PLCB4: variants seen among roughly 807,000 people sequenced by gnomAD.
PLCB4 encodes 1-phosphatidylinositol 4,5-bisphosphate phosphodiesterase beta-4.
PLCB4 carries 77 observed loss-of-function variants against 178.8 expected under a neutral mutation model. The observed-to-expected ratio is 0.43, with a 90% CI of 0.36 to 0.52. The LOEUF (loss-of-function observed/expected upper bound fraction) is 0.52, where lower values mean the gene tolerates loss of function less well. Among genes scored for constraint, PLCB4 ranks in the 20% least tolerant of loss-of-function variants. The pLI is 0.00. For missense variants in PLCB4, 1,024 were observed against 1,453.4 expected (o/e 0.70, Z 4.80); for synonymous variants, 496 against 490.8 (o/e 1.01, Z -0.14).
intron 4 of PLCB4, among the ~76,000 whole-genome samples, chr20:9,310,560 A>AAAAATAGCC (rs1292819763): frequency 1.3e-5 from 2 of 152,012 alleles, no homozygotes; most frequent in African/African-American, 4.8e-5. Context: ...AATATAAAAA[A>AAAAATAGCC]AAATAGCCAG....
At chr20:9,414,237 C>T (rs997843775) in intron 25 of PLCB4, among the ~76,000 whole-genome samples, 5 of 152,196 alleles carry the variant, frequency 3.3e-5, no homozygotes, top group East Asian at 1.9e-4. Context: ...AAAGTATCAG[C>T]GATGCTGTTG....
intron 32 of PLCB4, among the ~76,000 whole-genome samples, chr20:9,449,096 C>G (rs990866339): frequency 3.9e-5 from 6 of 152,068 alleles, no homozygotes; most frequent in African/African-American, 1.2e-4. Context: ...CTTTCTAGAA[C>G]CACTTCAATT....
intron 7 of PLCB4, among the ~76,000 whole-genome samples, chr20:9,347,568 T>G (rs1225222413): frequency 2.4e-4 from 37 of 152,340 alleles, no homozygotes; most frequent in African/African-American, 8.4e-4. Flanking sequence ...AATATTTTTT[T>G]GATGAAACCT....
chr20:9,226,914 A>G (rs1250283919), intron 3 of PLCB4, among the ~76,000 whole-genome samples: 1 of 152,124 alleles, frequency 6.6e-6, no homozygotes, highest in African/African-American at 2.4e-5. Context: ...TTACCTTCCC[A>G]TTAGCAACAG....
intron 9 of PLCB4, among the ~76,000 whole-genome samples, chr20:9,366,990 G>A (rs2035841655): frequency 6.6e-6 from 1 of 152,214 alleles, no homozygotes; most frequent in Admixed American, 6.5e-5. Flanking sequence ...GATGCATTGA[G>A]CAGTGGCATG....
At chr20:9,286,798 A>G (rs1003631708) in intron 3 of PLCB4, among the ~76,000 whole-genome samples, 2 of 152,072 alleles carry the variant, frequency 1.3e-5, no homozygotes, top group African/African-American at 4.8e-5. Context: ...CTGGTAGGGG[A>G]ATTTTGAAGC....
intron 15 of PLCB4, among the ~76,000 whole-genome samples, chr20:9,388,162 C>T (rs966272570): frequency 2.0e-5 from 3 of 152,178 alleles, no homozygotes; most frequent in East Asian, 3.9e-4. Context: ...GGCTTGAACC[C>T]GAGAGGTGGA....
intron 2 of PLCB4, among the ~76,000 whole-genome samples, chr20:9,194,692 CAAA>C (rs555217572): frequency 2.5e-5 from 1 of 40,800 alleles, no homozygotes. Context: ...GACTCCATCT[CAAA>C]AAAAAAAAAA....
At chr20:9,424,588 A>C (rs571262202) in intron 28 of PLCB4, among the ~76,000 whole-genome samples, 16 of 152,228 alleles carry the variant, frequency 1.1e-4, no homozygotes. Flanking sequence ...CAGCAGGATG[A>C]TGGCATCCGA....
chr20:9,245,070 C>T (rs570848522), intron 3 of PLCB4, among the ~76,000 whole-genome samples: 1 of 152,202 alleles, frequency 6.6e-6, no homozygotes, highest in Admixed American at 6.5e-5. Flanking sequence ...GACAACTGTG[C>T]CATGTGCCGC....
intron 3 of PLCB4, among the ~76,000 whole-genome samples, chr20:9,224,146 G>A (rs1048071115): frequency 1.3e-5 from 2 of 152,170 alleles, no homozygotes; most frequent in African/African-American, 4.8e-5. Context: ...GTCACAATGT[G>A]CGAAGATAAT....
At chr20:9,371,934 A>T (rs1481017365) in intron 10 of PLCB4, among the ~76,000 whole-genome samples, 1 of 152,238 alleles carries the variant, frequency 6.6e-6, no homozygotes, top group Admixed American at 6.5e-5. Flanking sequence ...CAAAATAAGC[A>T]TAATTAAACC....
chr20:9,280,478 T>C (rs769370130), intron 3 of PLCB4: 8 of 982,748 alleles, frequency 8.1e-6, no homozygotes, highest in Non-Finnish European at 8.5e-6. Context: ...AAAAAGGAGG[T>C]GGGTGTCTCT....
intron 2 of PLCB4, among the ~76,000 whole-genome samples, chr20:9,193,488 G>C (rs1216547951): frequency 6.6e-6 from 1 of 152,166 alleles, no homozygotes; most frequent in Non-Finnish European, 1.5e-5. Flanking sequence ...CTCAGCTAGA[G>C]AAAGCTCTTA....
In PLCB4 at chr20:9,201,589, A is replaced by T. The variant is rs549136184; in HGVS notation, c.-78-15801A>T. Among the ~76,000 whole-genome samples, 6 of 152,326 alleles carry T rather than the reference A, an allele frequency of 3.9e-5. No individual in the cohort carries two copies. In the South Asian group the frequency reaches 1.0e-3, roughly 26 times the overall value. On this transcript the variant is annotated intron_variant, in intron 2 of 39. Transcript: ENST00000378473. ...TTGTTTTTAAAAAGGACATAATAATACATTACTTATTTAAAGGTAGAAAGG... is the reference window on the plus strand; with the variant it reads ...TTGTTTTTAAAAAGGACATAATAATTCATTACTTATTTAAAGGTAGAAAGG...
intron 38 of PLCB4, among the ~76,000 whole-genome samples, chr20:9,474,891 A>G (rs1183906426): frequency 6.6e-6 from 1 of 152,198 alleles, no homozygotes; most frequent in Non-Finnish European, 1.5e-5. Flanking sequence ...TTATTGTCCC[A>G]CAGGTACAAT....
intron 3 of PLCB4, among the ~76,000 whole-genome samples, chr20:9,238,173 G>A (rs901267210): frequency 6.6e-6 from 1 of 152,182 alleles, no homozygotes; most frequent in African/African-American, 2.4e-5. Context: ...AAGTATGGAG[G>A]TATGGCTGTT....
At chr20:9,354,999 A>G (rs944069791) in intron 7 of PLCB4, among the ~76,000 whole-genome samples, 3 of 152,196 alleles carry the variant, frequency 2.0e-5, no homozygotes, top group East Asian at 1.9e-4. Flanking sequence ...AAGACAGCCC[A>G]AGTACATTCT....
chr20:9,467,330 T>C (rs1233855538), intron 35 of PLCB4, among the ~76,000 whole-genome samples: 2 of 152,136 alleles, frequency 1.3e-5, no homozygotes, highest in African/African-American at 4.8e-5. Flanking sequence ...CTAATGTAAA[T>C]GACGAGTTGA....
Sources: allele counts gnomAD v4.1 joint callset (sites outside exome capture counted in the v4.1 genomes callset), GRCh38; gene constraint gnomAD v4.1.1; transcripts MANE v1.5; gene names NCBI Gene and HGNC (gene_info 2026-07-23, HGNC 2026-07-21).